The following CTSZ variants were observed in gnomAD, a reference collection of about 807,000 sequenced individuals.
The protein encoded by CTSZ is cathepsin Z.
A neutral mutation model predicts 32.4 loss-of-function variants in CTSZ; 39 were observed. The observed-to-expected ratio is 1.20, with a 90% confidence interval of 0.93 to 1.57. The LOEUF is 1.57. Among genes scored for constraint, CTSZ ranks in the 40% most tolerant of loss-of-function variants. CTSZ has a pLI of 0.00. For synonymous variants in CTSZ, 168 were observed against 170.1 expected (o/e 0.99, Z 0.10); for missense variants, 397 against 419.6 (o/e 0.95, Z 0.47).
Position 58,995,531 on chromosome 20 carries a change from T to C in CTSZ, c.*118A>G. On this transcript the variant is annotated 3_prime_UTR_variant, in exon 6 of 6. Transcript: ENST00000217131. ...AGCCAGTGCCACGCTGTCCTCGCCA[T>C]CCAATATTGATAGCCACCCCAGTTC... The C allele has an allele frequency of 1.2e-6, 1 of 857,164 alleles. No homozygotes were observed. Among genetic ancestry groups the C allele is most frequent in the Non-Finnish European group, 1.9e-6 (1 of 525,796 alleles). The allele number at this position is 857,164 out of a possible 1,614,324, so 53.1% of individuals were successfully genotyped here.
intron 2 of CTSZ, among the ~76,000 whole-genome samples, chr20:59,005,330 A>C (rs1220332102): frequency 2.0e-5 from 3 of 152,116 alleles, no homozygotes; most frequent in African/African-American, 7.2e-5. Context: ...TCCTGGCACA[A>C]AGCCCAGGCT....
Position 59,002,110 on chromosome 20 carries a change from A to G in CTSZ, c.308-466T>C, listed in dbSNP as rs888872983. Among the ~76,000 whole-genome samples, 1 of 152,196 alleles carries G rather than the reference A, an allele frequency of 6.6e-6. No homozygotes were observed. Among genetic ancestry groups the G allele is most frequent in the Non-Finnish European group, 1.5e-5 (1 of 68,020 alleles). On this transcript the variant is annotated intron_variant, in intron 2 of 5. Transcript: ENST00000217131. This position sits in a 1 kb window ranked among gnomAD's most constrained non-coding sequence, Gnocchi z 4.1. ...GAACGAGTATAGCCCAGGGAGCCGC[A>G]TGAGCCCCAGTGAGGGGCCAGATGC...
chr20:58,995,803 C>T (rs769169843), intron 5 of CTSZ, 44 bp from the exon 6 acceptor site: 3 of 1,557,648 alleles, frequency 1.9e-6, no homozygotes, highest in Admixed American at 1.7e-5. Context: ...GCAGCCGTCT[C>T]CCGCTCCCCT....
chr20:59,005,472 C>G (rs990750733), intron 2 of CTSZ, among the ~76,000 whole-genome samples: 4 of 152,336 alleles, frequency 2.6e-5, no homozygotes, highest in South Asian at 4.1e-4. Context: ...ATGGAGCACA[C>G]GCAAACGCAT....
intron 1 of CTSZ, 137 bp from the exon 2 acceptor site, chr20:59,006,622 G>A (rs745398273): frequency 6.6e-6 from 6 of 903,804 alleles, no homozygotes; most frequent in Non-Finnish European, 8.3e-6. Flanking sequence ...CCAGAGGTGA[G>A]CCAGGTGTGG....
chr20:59,002,967 C>G lies in CTSZ; in HGVS notation c.308-1323G>C, dbSNP rs573438005. Among the ~76,000 whole-genome samples, 5 of 152,176 alleles carry G rather than the reference C, an allele frequency of 3.3e-5. No homozygotes were observed. Among genetic ancestry groups the G allele is most frequent in the African/African-American group, 9.7e-5 (4 of 41,444 alleles). The stretch of plus-strand genomic sequence containing the variant: ...CCCCGGCCCCTCCCACTCACTATCA[C>G]GGTTTTCTGCTTCACTCAATGGTTT... On this transcript the variant is annotated intron_variant, in intron 2 of 5. Coordinates refer to ENST00000217131, the MANE Select transcript of CTSZ (RefSeq NM_001336.4). This position sits in a 1 kb window ranked among gnomAD's most constrained non-coding sequence, Gnocchi z 4.1.
intron 3 of CTSZ, among the ~76,000 whole-genome samples, chr20:58,998,110 C>T (rs950866404): frequency 1.3e-5 from 2 of 152,040 alleles, no homozygotes; most frequent in Non-Finnish European, 2.9e-5. Flanking sequence ...TAAAATGTCT[C>T]TATTGCTGGC....
At chr20:59,005,561 T>C (rs546810513) in intron 2 of CTSZ, among the ~76,000 whole-genome samples, 1 of 152,264 alleles carries the variant, frequency 6.6e-6, no homozygotes, top group African/African-American at 2.4e-5. Context: ...GCCTGACCCA[T>C]GAGGACCAAG....
At chr20:59,006,599 G>A (rs2091909609) in intron 1 of CTSZ, 114 bp from the exon 2 acceptor site, 1 of 1,125,834 alleles carries the variant, frequency 8.9e-7, no homozygotes, top group African/African-American at 1.6e-5. Flanking sequence ...GCATGGGAGT[G>A]GGGCCACAAT....
At chr20:59,005,190 C>A (rs976423183) in intron 2 of CTSZ, among the ~76,000 whole-genome samples, 6 of 152,080 alleles carry the variant, frequency 3.9e-5, no homozygotes, top group African/African-American at 1.4e-4. Context: ...GACCTTTGAA[C>A]GATCAGAAGT....
intron 3 of CTSZ, among the ~76,000 whole-genome samples, chr20:58,999,090 C>T (rs2091875988): frequency 6.6e-6 from 1 of 151,794 alleles, no homozygotes; most frequent in Admixed American, 6.6e-5. Context: ...GGCTGGAGTT[C>T]AGTGGTATGA....
intron 3 of CTSZ, among the ~76,000 whole-genome samples, chr20:58,998,474 AG>A (rs1050560724): frequency 6.6e-6 from 1 of 150,990 alleles, no homozygotes; most frequent in Non-Finnish European, 1.5e-5. Context: ...TGAACCCGGG[AG>A]GCAGAGGTTG....
At position 59,002,983 on chromosome 20, in the gene CTSZ, T is replaced by G. The variant is rs1429275343; in HGVS notation, c.308-1339A>C. 6.6e-6 allele frequency among the ~76,000 whole-genome samples: 1 copy of G among 152,114 alleles called. No individual in the cohort carries two copies. Among genetic ancestry groups the G allele is most frequent in the Non-Finnish European group, 1.5e-5 (1 of 68,028 alleles). On this transcript the variant is annotated intron_variant, in intron 2 of 5. Transcript: ENST00000217131. The surrounding 1 kb of genome is among the most constrained non-coding windows in gnomAD (Gnocchi z 4.1). ...TCACTATCACGGTTTTCTGCTTCACTCAATGGTTTGAGACAGTGCCCCGAC... is the reference window on the plus strand; with the variant it reads ...TCACTATCACGGTTTTCTGCTTCACGCAATGGTTTGAGACAGTGCCCCGAC...
Position 59,004,749 on chromosome 20 carries a change from T to C in CTSZ, c.307+1573A>G, listed in dbSNP as rs2091902513. ...CCGTGGAAGTCCCCTTCTGGTGGCT[T>C]CTATTCCTCAGTGAAAGAGGAAGCG... On this transcript the variant is annotated intron_variant, in intron 2 of 5. Transcript: ENST00000217131. This position sits in a 1 kb window ranked among gnomAD's most constrained non-coding sequence, Gnocchi z 5.6. Among the ~76,000 whole-genome samples the C allele has an allele frequency of 6.6e-6, 1 of 151,986 alleles. No individual in the cohort carries two copies. Among genetic ancestry groups the C allele is most frequent in the Non-Finnish European group, 1.5e-5 (1 of 67,970 alleles).
chr20:59,006,611 AC>A, intron 1 of CTSZ, 126 bp from the exon 2 acceptor site: 1 of 1,009,092 alleles, frequency 9.9e-7, no homozygotes, highest in Non-Finnish European at 1.4e-6. Flanking sequence ...GGCCACAATC[AC>A]CAGAGGTGAG....
Position 58,995,366 on chromosome 20 carries a change from G to A in CTSZ, c.*283C>T. The A allele has an allele frequency of 6.0e-6, 2 of 330,774 alleles. No homozygotes were observed. The allele number at this position is 330,774 out of a possible 1,614,324, so 20.5% of individuals were successfully genotyped here. The stretch of plus-strand genomic sequence containing the variant: ...CCAAATACAAAATATCAAGTCCTCT[G>A]CTGAAGAAGACTGAGGTCCCATCGT... On this transcript the variant is annotated 3_prime_UTR_variant, in exon 6 of 6. Transcript: ENST00000217131.
Position 59,006,448 on chromosome 20 carries a change from C to A in CTSZ, c.181G>T (p.Asp61Tyr). Residue 61 changes from aspartate to tyrosine, a missense_variant, in exon 2 of 6, where the codon GAT becomes TAT. Asp to Tyr is a radical substitution (Grantham distance 160). Coordinates refer to ENST00000217131, the MANE Select transcript of CTSZ (RefSeq NM_001336.4). Reference sequence around the variant, plus strand: ...CGCCAGTCCCAGCTCTTGGGCAGATCCGCTGGGGACAGGTACTCATGAGGC... The same window carrying A: ...CGCCAGTCCCAGCTCTTGGGCAGATACGCTGGGGACAGGTACTCATGAGGC... ...PRPHEYLSPADLPKSWDWRNV... is the reference protein window; with the variant it reads ...PRPHEYLSPAYLPKSWDWRNV... 1 of 1,613,880 alleles carries A rather than the reference C, an allele frequency of 6.2e-7. No homozygotes were observed. Among genetic ancestry groups the A allele is most frequent in the Non-Finnish European group, 8.5e-7 (1 of 1,179,976 alleles).
In CTSZ at chr20:59,007,106, C is replaced by A; in HGVS notation, c.23G>T (p.Trp8Leu). The change falls in exon 1 of 6, where the codon TGG becomes TTG. Residue 8 changes from tryptophan to leucine, a missense_variant. Transcript: ENST00000217131. ...CAGCACGAGCAGCAGAAGCGGCCGC[C>A]ACCCTGGCCCGCGCCTCGCCATGGC... MARRGPGWRPLLLLVLLA... is the reference protein window; with the variant it reads MARRGPGLRPLLLLVLLA... The A allele has an allele frequency of 7.1e-7, 1 of 1,411,522 alleles. No individual in the cohort carries two copies. The highest frequency in any genetic ancestry group is 9.2e-7 in the Non-Finnish European group (1 of 1,088,482). 87.4% of individuals were successfully genotyped at this position (1,411,522 alleles called of 1,614,324 possible). A position where few individuals can be genotyped will look rare whatever the true frequency, so the allele number is the denominator to read the frequency against.
intron 4 of CTSZ, 85 bp from the exon 5 acceptor site, chr20:58,996,886 G>A (rs1403207670): frequency 2.8e-5 from 41 of 1,471,218 alleles, no homozygotes; most frequent in East Asian, 2.3e-4. Context: ...GCTGGGCGCC[G>A]TGGCTCACGC....
Sources: allele counts gnomAD v4.1 joint callset (sites outside exome capture counted in the v4.1 genomes callset), GRCh38; gene constraint gnomAD v4.1.1; non-coding constraint Gnocchi (gnomAD v3.1); transcripts MANE v1.5; gene names NCBI Gene and HGNC (gene_info 2026-07-23, HGNC 2026-07-21).